Variants in ITGA4 observed in about 807,000 individuals in gnomAD.
ITGA4 encodes integrin subunit alpha 4.
In ITGA4, 63 loss-of-function variants were observed where a neutral mutation model predicts 133.6. The observed-to-expected ratio is 0.47, with a 90% CI of 0.38 to 0.58. The LOEUF is 0.58. Among genes scored for constraint, ITGA4 ranks in the 20% least tolerant of loss-of-function variants. ITGA4 has a pLI of 0.00. For missense variants in ITGA4, 1,076 were observed against 1,252.7 expected (o/e 0.86, Z 2.13); for synonymous variants, 483 against 438.0 (o/e 1.10, Z -1.28).
intron 17 of ITGA4, among the ~76,000 whole-genome samples, chr2:181,518,249 T>C (rs930552210): frequency 2.0e-5 from 3 of 152,092 alleles, no homozygotes; most frequent in Non-Finnish European, 4.4e-5. Context: ...TACCCAGGGT[T>C]TGGAATTACT....
rs116133945 is a variant in ITGA4 at position 181,528,924 on chromosome 2, C to T, written c.2431-617C>T. Among the ~76,000 whole-genome samples, 632 of 152,252 alleles carry T rather than the reference C, an allele frequency of 4.2e-3. 6 individuals carry two copies. Among genetic ancestry groups the T allele is most frequent in the African/African-American group, 0.015 (605 of 41,556 alleles). On this transcript the variant is annotated intron_variant, in intron 22 of 27. Coordinates refer to ENST00000397033, the MANE Select transcript of ITGA4 (RefSeq NM_000885.6). ...ATTTTTTGACAAGTATTGTTAAAAACCTTTTGTGCTTTCTCAAAACCCAAC... is the reference window on the plus strand; with the variant it reads ...ATTTTTTGACAAGTATTGTTAAAAATCTTTTGTGCTTTCTCAAAACCCAAC...
intron 2 of ITGA4, among the ~76,000 whole-genome samples, chr2:181,471,905 G>A (rs1015691572): frequency 6.6e-6 from 1 of 152,176 alleles, no homozygotes; most frequent in African/African-American, 2.4e-5. Context: ...GAAGGGAAGG[G>A]CATGAGCCAC....
At chr2:181,477,645 A>G (rs1685706202) in intron 4 of ITGA4, among the ~76,000 whole-genome samples, 1 of 152,150 alleles carries the variant, frequency 6.6e-6, no homozygotes, top group African/African-American at 2.4e-5. Flanking sequence ...CCACTATGAA[A>G]TATCACTTCA....
intron 2 of ITGA4, among the ~76,000 whole-genome samples, chr2:181,465,273 C>T (rs1424587954): frequency 2.6e-5 from 4 of 152,116 alleles, no homozygotes; most frequent in South Asian, 2.1e-4. Context: ...CCCAGAGAAA[C>T]GTCCTTTGAT....
chr2:181,537,854 G>C lies in ITGA4; in HGVS notation c.*2327G>C, dbSNP rs115260661. Reference sequence around the variant, plus strand: ...AACATCAATTTCTATTAGGATATCCGTTTGGCCACACAGCAGGAGGTTAGA... The same window carrying C: ...AACATCAATTTCTATTAGGATATCCCTTTGGCCACACAGCAGGAGGTTAGA... On this transcript the variant is annotated 3_prime_UTR_variant, in exon 28 of 28. Coordinates refer to ENST00000397033, the MANE Select transcript of ITGA4 (RefSeq NM_000885.6). 1 of 508,674 alleles carries C rather than the reference G, an allele frequency of 2.0e-6. No homozygotes were observed. Among genetic ancestry groups the C allele is most frequent in the Non-Finnish European group, 3.8e-6 (1 of 263,110 alleles). 31.5% of individuals were successfully genotyped at this position (508,674 alleles called of 1,614,324 possible).
At chr2:181,485,848 A>G (rs1685902104) in intron 9 of ITGA4, 33 bp from the exon 10 acceptor site, 1 of 1,544,818 alleles carries the variant, frequency 6.5e-7, no homozygotes, top group Non-Finnish European at 8.9e-7. Flanking sequence ...AGGGAGTGTT[A>G]TAATGACACG....
rs1687158874 is a variant in ITGA4 at position 181,537,061 on chromosome 2, C to T, written c.*1534C>T. Reference sequence around the variant, plus strand: ...GCATTTGAGTAGTGAAATGTAAGCACAAAACCTCCTGAACCCAGAGTGTGT... The same window carrying T: ...GCATTTGAGTAGTGAAATGTAAGCATAAAACCTCCTGAACCCAGAGTGTGT... On this transcript the variant is annotated 3_prime_UTR_variant, in exon 28 of 28. Coordinates refer to ENST00000397033, the MANE Select transcript of ITGA4 (RefSeq NM_000885.6). 2 of 444,312 alleles carry T rather than the reference C, an allele frequency of 4.5e-6. No homozygotes were observed. Among genetic ancestry groups the T allele is most frequent in the Non-Finnish European group, 9.0e-6 (2 of 221,680 alleles). The allele number at this position is 444,312 out of a possible 1,614,324, so 27.5% of individuals were successfully genotyped here.
intron 2 of ITGA4, among the ~76,000 whole-genome samples, chr2:181,471,821 T>C (rs904820685): frequency 1.3e-5 from 2 of 152,182 alleles, no homozygotes; most frequent in African/African-American, 2.4e-5. Flanking sequence ...AGTAAACATC[T>C]CTTTCTTGTG....
intron 6 of ITGA4, 104 bp downstream of exon 6, chr2:181,480,370 A>T: frequency 3.4e-6 from 2 of 585,706 alleles, no homozygotes; most frequent in Non-Finnish European, 2.8e-6. Context: ...AATGGCCAGT[A>T]TAATTACAGT....
intron 10 of ITGA4, among the ~76,000 whole-genome samples, chr2:181,491,812 A>G (rs1686054338): frequency 6.6e-6 from 1 of 151,914 alleles, no homozygotes. Flanking sequence ...TCCTGTATGT[A>G]TATATTCTGC....
intron 12 of ITGA4, 49 bp downstream of exon 12, chr2:181,494,861 T>C: frequency 3.2e-6 from 3 of 940,854 alleles, no homozygotes; most frequent in Non-Finnish European, 5.3e-6. Context: ...AGCTCTATCA[T>C]AGATACTGCT....
Position 181,537,463 on chromosome 2 carries a change from C to G in ITGA4, c.*1936C>G, listed in dbSNP as rs201306474. Reference sequence around the variant, plus strand: ...TATCATGAATTTTAAAACCCTACCACTTTAAGAAGACAGGGATGGGTTATT... The same window carrying G: ...TATCATGAATTTTAAAACCCTACCAGTTTAAGAAGACAGGGATGGGTTATT... On this transcript the variant is annotated 3_prime_UTR_variant, in exon 28 of 28. Transcript: ENST00000397033. 6.7e-6 allele frequency: 3 copies of G among 449,308 alleles called. No individual in the cohort carries two copies. The highest frequency in any genetic ancestry group is 1.3e-5 in the Non-Finnish European group (3 of 223,608). 27.8% of individuals were successfully genotyped at this position (449,308 alleles called of 1,614,324 possible).
chr2:181,532,831 G>T (rs568030030), intron 25 of ITGA4, among the ~76,000 whole-genome samples: 68 of 152,230 alleles, frequency 4.5e-4, no homozygotes, highest in Non-Finnish European at 7.6e-4. Flanking sequence ...GTTTTCAAAG[G>T]GAATGCTTCC....
intron 2 of ITGA4, among the ~76,000 whole-genome samples, chr2:181,473,567 T>TC (rs1685604953): frequency 1.3e-5 from 2 of 152,342 alleles, no homozygotes; most frequent in South Asian, 4.1e-4. Flanking sequence ...GTTTTGTTTT[T>TC]CCTGAATGAC....
chr2:181,531,129 AAAT>A (rs2105772161), intron 24 of ITGA4, among the ~76,000 whole-genome samples: 2 of 152,048 alleles, frequency 1.3e-5, no homozygotes, highest in African/African-American at 4.8e-5. Flanking sequence ...AGAAAAAAAA[AAAT>A]GTTATACAGT....
intron 18 of ITGA4, 141 bp downstream of exon 18, chr2:181,522,482 T>A: frequency 5.3e-6 from 3 of 570,684 alleles, no homozygotes; most frequent in Non-Finnish European, 8.7e-6. Context: ...ACTTACTCTG[T>A]GCCCCTGCTC....
intron 1 of ITGA4, 81 bp from the exon 2 acceptor site, chr2:181,458,115 G>A (rs184872816): frequency 6.3e-6 from 10 of 1,586,154 alleles, no homozygotes; most frequent in Non-Finnish European, 6.0e-6. Flanking sequence ...GCCCTGCTGC[G>A]GACTGCACAT....
At chr2:181,490,493 G>A (rs1686026567) in intron 10 of ITGA4, among the ~76,000 whole-genome samples, 1 of 103,574 alleles carries the variant, frequency 9.7e-6, no homozygotes, top group East Asian at 3.1e-4. Flanking sequence ...TCGTGTGTGT[G>A]TGTGTGTGTG....
chr2:181,458,298 G>A lies in ITGA4; in HGVS notation c.300G>A (p.Thr100=), dbSNP rs561341728. 2.5e-5 allele frequency: 41 copies of A among 1,612,162 alleles called. No homozygotes were observed. The highest frequency in any genetic ancestry group is 2.3e-4 in the South Asian group (21 of 90,508). Residue 100 remains threonine (T), a synonymous_variant, in exon 2 of 28, where the codon ACG becomes ACA. Transcript: ENST00000397033. ...GGATCGGAAAGAATCCCGGCCAGAC[G>A]TGCGAACAGCTCCAGCTGGGTGAGT... ...RCRIGKNPGQ[T]CEQLQLGSPN... is the part of the protein sequence containing the mutation.
Sources: gnomAD v4.1 joint callset for allele counts (sites outside exome capture counted in the v4.1 genomes callset) on GRCh38, gnomAD v4.1.1 for gene constraint, MANE v1.5 for transcripts, NCBI Gene and HGNC (gene_info 2026-07-23, HGNC 2026-07-21) for gene names.